The following EPC1 variants were observed in gnomAD, a reference collection of about 807,000 sequenced individuals.
EPC1 encodes enhancer of polycomb 1.
In EPC1, 12 loss-of-function variants were observed where a neutral mutation model predicts 98.4. The observed-to-expected ratio is 0.12, with a 90% CI of 0.08 to 0.20. The LOEUF (loss-of-function observed/expected upper bound fraction) is 0.20. Among genes scored for constraint, EPC1 ranks in the 10% least tolerant of loss-of-function variants. The pLI, the probability that EPC1 is intolerant of heterozygous loss-of-function variation, is 1.00. For missense variants in EPC1, 729 were observed against 990.5 expected, an observed-to-expected ratio of 0.74 and a Z score of 3.54; for synonymous variants, 357 against 363.9, an observed-to-expected ratio of 0.98 and a Z score of 0.21.
intron 1 of EPC1, among the ~76,000 whole-genome samples, chr10:32,314,734 T>C (rs1352600692): frequency 1.3e-5 from 2 of 152,196 alleles, no homozygotes; most frequent in Non-Finnish European, 2.9e-5. Context: ...AGAAATATTT[T>C]TTATTAAATA....
chr10:32,300,780 G>T (rs528660913), intron 2 of EPC1, among the ~76,000 whole-genome samples: 1 of 151,892 alleles, frequency 6.6e-6, no homozygotes, highest in Admixed American at 6.6e-5. Context: ...TTTTATTGTT[G>T]TGCGAACTGT....
At chr10:32,377,986 A>G (rs1049267749) in intron 1 of EPC1, among the ~76,000 whole-genome samples, 4 of 152,248 alleles carry the variant, frequency 2.6e-5, no homozygotes, top group African/African-American at 7.2e-5. Context: ...AGTAACAGCC[A>G]TAACTTAATA....
At chr10:32,275,396 G>T (rs1209321459) in intron 10 of EPC1, among the ~76,000 whole-genome samples, 1 of 152,238 alleles carries the variant, frequency 6.6e-6, no homozygotes, top group Non-Finnish European at 1.5e-5. Flanking sequence ...CACTTTGGGA[G>T]GCCGAGGTGG....
intron 6 of EPC1, 54 bp from the exon 7 acceptor site, chr10:32,287,328 G>T (rs1836743176): frequency 1.9e-6 from 3 of 1,587,882 alleles, no homozygotes; most frequent in Non-Finnish European, 1.7e-6. Context: ...CAACAAATTT[G>T]CAGTTTTGGG....
chr10:32,372,046 G>A (rs1406631674), intron 1 of EPC1, among the ~76,000 whole-genome samples: 1 of 152,108 alleles, frequency 6.6e-6, no homozygotes, highest in Non-Finnish European at 1.5e-5. Context: ...CCCTTTCAAA[G>A]TTTGCAATCC....
chr10:32,301,017 GA>G (rs902515250), intron 2 of EPC1, among the ~76,000 whole-genome samples: 5 of 151,434 alleles, frequency 3.3e-5, no homozygotes, highest in African/African-American at 1.2e-4. Context: ...CCTTACAGAG[GA>G]AAGAATTAGA....
At chr10:32,327,464 C>A (rs575047170) in intron 1 of EPC1, among the ~76,000 whole-genome samples, 1 of 152,192 alleles carries the variant, frequency 6.6e-6, no homozygotes, top group African/African-American at 2.4e-5. Flanking sequence ...TGAGTGTTCT[C>A]ACAACAAAGA....
chr10:32,297,980 G>T, intron 2 of EPC1, among the ~76,000 whole-genome samples: 1 of 151,942 alleles, frequency 6.6e-6, no homozygotes, highest in South Asian at 2.1e-4. Flanking sequence ...TGTATTTTTA[G>T]TGGAGATGGG....
At chr10:32,353,924 A>T (rs1839197120) in intron 1 of EPC1, among the ~76,000 whole-genome samples, 1 of 152,252 alleles carries the variant, frequency 6.6e-6, no homozygotes. Context: ...CATTTAGGTA[A>T]ACAAACACTG....
chr10:32,327,087 A>ACTCT (rs1564548890), intron 1 of EPC1, among the ~76,000 whole-genome samples: 1 of 151,356 alleles, frequency 6.6e-6, no homozygotes, highest in African/African-American at 2.4e-5. Flanking sequence ...ACACACACAC[A>ACTCT]CACTCACAAT....
Position 32,371,283 on chromosome 10 carries a change from C to A in EPC1, c.3+7208G>T, listed in dbSNP as rs117070881. On this transcript the variant is annotated intron_variant, in intron 1 of 13. Transcript: ENST00000375110. ...ATGGAGAGTTTCCAGTGGATTGGAG[C>A]AGTGGCCTGAGTTTCAGAGCTAAAT... Among the ~76,000 whole-genome samples the A allele has an allele frequency of 7.9e-4, 120 of 152,242 alleles. 1 individual carries two copies. The East Asian group carries it at 0.02, about 26-fold the overall frequency.
At chr10:32,294,982 T>C (rs1402238285) in intron 2 of EPC1, among the ~76,000 whole-genome samples, 3 of 152,180 alleles carry the variant, frequency 2.0e-5, no homozygotes, top group Non-Finnish European at 4.4e-5. Context: ...TGCCTATTTA[T>C]TCTTTTTAGC....
chr10:32,286,507 T>C (rs1388629380), intron 9 of EPC1, 187 bp downstream of exon 9: 6 of 651,480 alleles, frequency 9.2e-6, no homozygotes, highest in Non-Finnish European at 1.5e-5. Context: ...AATAGAGTTA[T>C]GTCAAAAACT....
chr10:32,311,943 G>A (rs1228879142), intron 1 of EPC1, among the ~76,000 whole-genome samples: 3 of 152,232 alleles, frequency 2.0e-5, no homozygotes, highest in Admixed American at 6.5e-5. Flanking sequence ...AATTTAAAAC[G>A]TTTTTAAAAA....
In EPC1 at chr10:32,273,250, T is replaced by C. The variant is rs757463750; in HGVS notation, c.1776A>G (p.Gln592=). ...AFTAEQYQQH[Q]QQLALMQKQQ... ...GTTTCTGCATGAGTGCCAGTTGCTG[T>C]TGATGTTGCTGGTATTGTTCGGCTG... Residue 592 remains glutamine, a synonymous_variant, in exon 11 of 14, where the codon CAA becomes CAG. Transcript: ENST00000319778. 1.5e-5 allele frequency: 24 copies of C among 1,614,066 alleles called. No individual in the cohort carries two copies. The South Asian group carries it at 2.5e-4, about 17-fold the overall frequency.
At chr10:32,287,560 A>ATT (rs1280332518) in intron 6 of EPC1, among the ~76,000 whole-genome samples, 5 of 152,334 alleles carry the variant, frequency 3.3e-5, no homozygotes, top group African/African-American at 1.2e-4. Context: ...TACAACTGCA[A>ATT]TTAGTGTATT....
chr10:32,342,562 T>A (rs545576922), intron 1 of EPC1, among the ~76,000 whole-genome samples: 1 of 152,182 alleles, frequency 6.6e-6, no homozygotes, highest in Non-Finnish European at 1.5e-5. Context: ...CCTGTTAGAA[T>A]CCTATAGAAC....
rs144521426 is a variant in EPC1, at chr10:32,337,318, C to G, written c.153+9445G>C. Among the ~76,000 whole-genome samples, 681 of 152,326 alleles carry G rather than the reference C, an allele frequency of 4.5e-3. 6 individuals are homozygous for G. Among genetic ancestry groups the G allele is most frequent in the Non-Finnish European group, 6.8e-3 (465 of 68,040 alleles). ...TTAGTGGGAATGTGTAGCACAGTCTCAGCCCTATGAGCTTCCCAAACTGTT... is the reference window on the plus strand; with the variant it reads ...TTAGTGGGAATGTGTAGCACAGTCTGAGCCCTATGAGCTTCCCAAACTGTT... On this transcript the variant is annotated intron_variant, in intron 1 of 13. Transcript: ENST00000319778.
At chr10:32,314,814 T>C (rs1836457805) in intron 1 of EPC1, among the ~76,000 whole-genome samples, 1 of 152,246 alleles carries the variant, frequency 6.6e-6, no homozygotes, top group South Asian at 2.1e-4. Context: ...GTCATAAACA[T>C]CTGCTCTGAT....
Sources: gnomAD v4.1 joint callset for allele counts (sites outside exome capture counted in the v4.1 genomes callset) on GRCh38, gnomAD v4.1.1 for gene constraint, MANE v1.5 for transcripts, NCBI Gene and HGNC (gene_info 2026-07-23, HGNC 2026-07-21) for gene names.